ATXN7L1: variants seen among roughly 807,000 people sequenced by gnomAD.
ATXN7L1 encodes ataxin 7 like 1.
Under a neutral mutation model 70.8 loss-of-function variants are expected in ATXN7L1, and 15 were observed. That is an observed-to-expected ratio of 0.21 (90% CI 0.14 to 0.33). ATXN7L1 has a LOEUF of 0.33. Ranked by LOEUF, ATXN7L1 falls within the 10% of genes least tolerant of loss-of-function variation. The pLI is 1.00. For synonymous variants in ATXN7L1, 440 were observed against 445.1 expected (o/e 0.99, Z 0.14); for missense variants, 975 against 1,097.1 (o/e 0.89, Z 1.57).
At chr7:105,844,481 C>T (rs1241923021) in intron 2 of ATXN7L1, among the ~76,000 whole-genome samples, 1 of 152,178 alleles carries the variant, frequency 6.6e-6, no homozygotes, top group Non-Finnish European at 1.5e-5. Flanking sequence ...GGCAAAACTA[C>T]ACTATCATCT....
intron 3 of ATXN7L1, among the ~76,000 whole-genome samples, chr7:105,693,977 T>C (rs1412292789): frequency 6.6e-6 from 1 of 150,524 alleles, no homozygotes; most frequent in Non-Finnish European, 1.5e-5. Flanking sequence ...GCAAGAAGTC[T>C]GGGGTGGGGA....
intron 2 of ATXN7L1, among the ~76,000 whole-genome samples, chr7:105,851,831 T>A (rs770850352): frequency 3.3e-5 from 5 of 152,206 alleles, no homozygotes; most frequent in Non-Finnish European, 7.3e-5. Flanking sequence ...CCTCTGCAAT[T>A]CTTCATGCAA....
At chr7:105,860,130 TATATATATATATATATAC>T (rs200083338) in intron 2 of ATXN7L1, among the ~76,000 whole-genome samples, 3,339 of 76,160 alleles carry the variant, frequency 0.044, 197 homozygotes, top group African/African-American at 0.13. Flanking sequence ...TATATGTAAA[TATATATATATATATATAC>T]ATATATATAT....
intron 3 of ATXN7L1, among the ~76,000 whole-genome samples, chr7:105,755,915 G>C (rs1486479401): frequency 1.3e-5 from 2 of 152,122 alleles, no homozygotes; most frequent in Non-Finnish European, 2.9e-5. Context: ...ACAGAACTTT[G>C]CCAAGCACCC....
At chr7:105,622,982 T>C (rs1795155841) in intron 8 of ATXN7L1, among the ~76,000 whole-genome samples, 1 of 152,204 alleles carries the variant, frequency 6.6e-6, no homozygotes, top group Admixed American at 6.5e-5. Flanking sequence ...CACCTGCCTC[T>C]ACACGCCCTG....
At chr7:105,683,224 C>T (rs976334925) in intron 3 of ATXN7L1, among the ~76,000 whole-genome samples, 17 of 152,236 alleles carry the variant, frequency 1.1e-4, no homozygotes, top group Non-Finnish European at 8.8e-5. Flanking sequence ...CATGCATACA[C>T]ATGCATATGT....
intron 3 of ATXN7L1, among the ~76,000 whole-genome samples, chr7:105,723,123 C>T (rs556317942): frequency 6.6e-5 from 10 of 152,150 alleles, no homozygotes; most frequent in South Asian, 6.2e-4. Flanking sequence ...GGATACATGA[C>T]GTGGGGTGTA....
chr7:105,700,845 C>G (rs1220329008), intron 3 of ATXN7L1, among the ~76,000 whole-genome samples: 1 of 152,100 alleles, frequency 6.6e-6, no homozygotes, highest in Non-Finnish European at 1.5e-5. Context: ...CCGCGCCTGC[C>G]TAATTTTTGC....
intron 2 of ATXN7L1, chr7:105,819,902 TG>T: frequency 3.7e-6 from 2 of 540,938 alleles, no homozygotes; most frequent in Non-Finnish European, 3.6e-6. Context: ...TTTGCCTACG[TG>T]GGGCGCCTGG....
chr7:105,692,370 T>TTTCCTTCC (rs60485799), intron 3 of ATXN7L1, among the ~76,000 whole-genome samples: 2,684 of 94,544 alleles, frequency 0.028, 120 homozygotes, highest in African/African-American at 0.037. Context: ...AATTTCTTTC[T>TTTCCTTCC]TTCCTTCCTT....
chr7:105,683,605 G>A (rs1479427101), intron 3 of ATXN7L1, among the ~76,000 whole-genome samples: 4 of 152,152 alleles, frequency 2.6e-5, no homozygotes, highest in African/African-American at 9.7e-5. Flanking sequence ...GAATCAGGAG[G>A]TGGAGGTTGT....
chr7:105,622,480 C>T (rs561654803), intron 8 of ATXN7L1, among the ~76,000 whole-genome samples: 38 of 152,360 alleles, frequency 2.5e-4, no homozygotes, highest in Admixed American at 7.2e-4. Flanking sequence ...ATCCTCACTG[C>T]GTGGGCCACC....
At chr7:105,638,651 C>A in intron 6 of ATXN7L1, 42 bp from the exon 7 acceptor site, 1 of 1,498,128 alleles carries the variant, frequency 6.7e-7, no homozygotes, top group Admixed American at 2.4e-5. Flanking sequence ...CTTTGATCAG[C>A]ACATAAACCT....
intron 4 of ATXN7L1, among the ~76,000 whole-genome samples, chr7:105,644,221 T>G (rs796159076): frequency 6.6e-5 from 10 of 152,320 alleles, no homozygotes; most frequent in African/African-American, 2.2e-4. Context: ...CTGGCTCTCC[T>G]TTCTCTAAGA....
At chr7:105,742,255 A>G (rs997606488) in intron 3 of ATXN7L1, among the ~76,000 whole-genome samples, 4 of 152,206 alleles carry the variant, frequency 2.6e-5, no homozygotes, top group Admixed American at 2.6e-4. Context: ...CTAGCCTTGA[A>G]ATAAAGCTTG....
chr7:105,624,659 A>AAC (rs1795426470), intron 7 of ATXN7L1, among the ~76,000 whole-genome samples: 1 of 151,414 alleles, frequency 6.6e-6, no homozygotes, highest in Non-Finnish European at 1.5e-5. Context: ...CAAAAAAAAA[A>AAC]AAAAAAACAG....
In ATXN7L1 at chr7:105,674,747, G is replaced by A. The variant is rs978953405; in HGVS notation, c.356-9459C>T. On this transcript the variant is annotated intron_variant, in intron 3 of 11. Transcript: ENST00000419735. ...GATCCTTTTTAACTTTTCCCCTGTGGTGGCATTCCCCCTTCCTCCTCCTCT... is the reference window on the plus strand; with the variant it reads ...GATCCTTTTTAACTTTTCCCCTGTGATGGCATTCCCCCTTCCTCCTCCTCT... Among the ~76,000 whole-genome samples the A allele has an allele frequency of 2.0e-5, 3 of 152,142 alleles. No homozygotes were observed. In the South Asian group the frequency reaches 6.2e-4, roughly 32 times the overall value.
intron 9 of ATXN7L1, among the ~76,000 whole-genome samples, chr7:105,619,528 ATATTTTTTTTTTTTTTTTTTTTTTT>A (rs1480420830): frequency 1.3e-3 from 19 of 14,782 alleles, no homozygotes; most frequent in Non-Finnish European, 1.9e-3. Context: ...ATATATATAT[ATATTTTTTTTTTTTTTTTTTTTTTT>A]TTTTTTTTTT....
At chr7:105,675,028 G>A in intron 3 of ATXN7L1, among the ~76,000 whole-genome samples, 1 of 151,942 alleles carries the variant, frequency 6.6e-6, no homozygotes, top group Non-Finnish European at 1.5e-5. Context: ...GATAATAACA[G>A]GAACTAAAAA....
Sources: gnomAD v4.1 joint callset for allele counts (sites outside exome capture counted in the v4.1 genomes callset) on GRCh38, gnomAD v4.1.1 for gene constraint, MANE v1.5 for transcripts, NCBI Gene and HGNC (gene_info 2026-07-23, HGNC 2026-07-21) for gene names.